The following NELL1 variants were observed in gnomAD, a reference collection of about 807,000 sequenced individuals.
NELL1 encodes the protein neural EGFL like 1.
NELL1 carries 76 observed loss-of-function variants against 107.4 expected under a neutral mutation model. The ratio of observed to expected loss-of-function variants is 0.71; its 90% confidence interval spans 0.59 to 0.86. The LOEUF is 0.86. Ranked by LOEUF, NELL1 falls within the 40% of genes least tolerant of loss-of-function variation. NELL1 has a pLI of 0.00. For synonymous variants in NELL1, 353 were observed against 341.2 expected (o/e 1.03, Z -0.38); for missense variants, 1,024 against 1,005.5 (o/e 1.02, Z -0.25).
chr11:21,472,149 TG>T, intron 15 of NELL1, among the ~76,000 whole-genome samples: 1 of 47,764 alleles, frequency 2.1e-5, no homozygotes, highest in South Asian at 1.3e-3. Context: ...CTTTCTGTTT[TG>T]TTTTGTTTGT....
At chr11:20,799,609 C>T (rs923252835) in intron 3 of NELL1, among the ~76,000 whole-genome samples, 1 of 152,098 alleles carries the variant, frequency 6.6e-6, no homozygotes, top group African/African-American at 2.4e-5. Flanking sequence ...TGGTAGTTCA[C>T]CATTTGAAGC....
chr11:21,090,691 T>C (rs1439508377), intron 12 of NELL1, among the ~76,000 whole-genome samples: 1 of 152,212 alleles, frequency 6.6e-6, no homozygotes, highest in African/African-American at 2.4e-5. Context: ...TATGTGGATC[T>C]TAACAAATAC....
chr11:21,241,077 C>T (rs1002675161), intron 14 of NELL1, among the ~76,000 whole-genome samples: 30 of 152,086 alleles, frequency 2.0e-4, no homozygotes, highest in Non-Finnish European at 2.9e-4. Context: ...ATATATCAGT[C>T]AGTTTTATTT....
intron 14 of NELL1, chr11:21,262,648 G>T (rs1332250219): frequency 5.3e-5 from 8 of 151,374 alleles, no homozygotes; most frequent in African/African-American, 1.9e-4. Context: ...GTTCCTGTAT[G>T]GAATTTGAGA....
chr11:21,239,384 A>T (rs1365464443), intron 14 of NELL1, among the ~76,000 whole-genome samples: 1 of 152,026 alleles, frequency 6.6e-6, no homozygotes, highest in African/African-American at 2.4e-5. Context: ...ATAAAAATCA[A>T]TAATTCAAAC....
In NELL1 at chr11:20,682,799, C is replaced by T. The variant is rs552234005; in HGVS notation, c.184+4739C>T. ...TTGATCTGCTTTCTGTGACTATACACTAATTTGCATTTTCTAGAATTTTAT... is the reference window on the plus strand; with the variant it reads ...TTGATCTGCTTTCTGTGACTATACATTAATTTGCATTTTCTAGAATTTTAT... On this transcript the variant is annotated intron_variant, in intron 2 of 19. Transcript: ENST00000357134. Among the ~76,000 whole-genome samples the T allele has an allele frequency of 2.1e-4, 32 of 152,122 alleles. No individual in the cohort carries two copies. In the East Asian group the frequency reaches 4.6e-3, roughly 22 times the overall value.
chr11:21,105,776 C>G (rs1459592399), intron 12 of NELL1, among the ~76,000 whole-genome samples: 1 of 116,754 alleles, frequency 8.6e-6, no homozygotes, highest in Non-Finnish European at 1.8e-5. Context: ...ATTACCTCTC[C>G]CCTCCCCTCC....
chr11:21,526,347 C>G (rs1855854972), intron 15 of NELL1, among the ~76,000 whole-genome samples: 1 of 152,214 alleles, frequency 6.6e-6, no homozygotes, highest in Non-Finnish European at 1.5e-5. Flanking sequence ...AGGGTACACC[C>G]CTCTCCACTA....
intron 15 of NELL1, among the ~76,000 whole-genome samples, chr11:21,406,367 C>T (rs1852236303): frequency 6.6e-6 from 1 of 151,694 alleles, no homozygotes; most frequent in Non-Finnish European, 1.5e-5. Context: ...CCAAATTATC[C>T]CCAATTGAGG....
intron 14 of NELL1, among the ~76,000 whole-genome samples, chr11:21,366,082 T>C (rs1202738651): frequency 6.6e-6 from 1 of 152,080 alleles, no homozygotes; most frequent in African/African-American, 2.4e-5. Flanking sequence ...GGGCGTTTGA[T>C]AAATATGCTC....
chr11:21,440,358 C>T (rs1162227840), intron 15 of NELL1, among the ~76,000 whole-genome samples: 1 of 151,740 alleles, frequency 6.6e-6, no homozygotes, highest in African/African-American at 2.4e-5. Context: ...GGTGGACTTA[C>T]ATCATAGCAA....
chr11:21,154,775 A>G (rs1354214201), intron 13 of NELL1, among the ~76,000 whole-genome samples: 1 of 152,130 alleles, frequency 6.6e-6, no homozygotes, highest in Non-Finnish European at 1.5e-5. Context: ...AGCAGTGAAA[A>G]TGGAATTTAT....
intron 3 of NELL1, among the ~76,000 whole-genome samples, chr11:20,795,812 A>T (rs567980666): frequency 4.6e-5 from 7 of 152,254 alleles, no homozygotes; most frequent in Middle Eastern, 3.4e-3. Flanking sequence ...TTTGTTTTTC[A>T]AAAGATACTC....
chr11:21,490,045 C>G (rs1023851330), intron 15 of NELL1, among the ~76,000 whole-genome samples: 2 of 151,876 alleles, frequency 1.3e-5, no homozygotes, highest in African/African-American at 4.8e-5. Context: ...CTAGAAAAAC[C>G]TAAAGACACC....
At chr11:21,553,342 C>T (rs1856635683) in intron 16 of NELL1, among the ~76,000 whole-genome samples, 2 of 151,822 alleles carry the variant, frequency 1.3e-5, no homozygotes, top group African/African-American at 4.8e-5. Context: ...CTCATTGGCA[C>T]TTGCTTGTAA....
intron 12 of NELL1, among the ~76,000 whole-genome samples, chr11:20,999,399 A>G (rs55688691): frequency 0.075 from 11,334 of 152,032 alleles, 1,278 homozygotes; most frequent in African/African-American, 0.25. Flanking sequence ...GCTGCACTCT[A>G]TGTGGTGTAT....
rs1036172829 is a variant in NELL1, at chr11:20,970,125, A to G, written c.1300+9565A>G. 6.0e-5 allele frequency among the ~76,000 whole-genome samples: 9 copies of G among 149,098 alleles called. No individual in the cohort carries two copies. The Middle Eastern group carries it at 0.01, about 169-fold the overall frequency. The stretch of plus-strand genomic sequence containing the variant: ...CTCTGAACATAGAGATATATCTACC[A>G]ACATGTATATTGAGCCATAGTTTGT... On this transcript the variant is annotated intron_variant, in intron 12 of 19. Transcript: ENST00000357134.
chr11:20,694,429 A>C (rs1034187498), intron 2 of NELL1, among the ~76,000 whole-genome samples: 1 of 151,904 alleles, frequency 6.6e-6, no homozygotes, highest in Non-Finnish European at 1.5e-5. Flanking sequence ...ATCCATCTTG[A>C]GTTAATTTTT....
At chr11:20,774,285 C>G (rs1415420270) in intron 2 of NELL1, among the ~76,000 whole-genome samples, 1 of 141,320 alleles carries the variant, frequency 7.1e-6, no homozygotes, top group Admixed American at 7.2e-5. Flanking sequence ...CTTTCTTTCC[C>G]TTCCTTCCTT....
Sources: gnomAD v4.1 joint callset for allele counts (sites outside exome capture counted in the v4.1 genomes callset) on GRCh38, gnomAD v4.1.1 for gene constraint, MANE v1.5 for transcripts, NCBI Gene and HGNC (gene_info 2026-07-23, HGNC 2026-07-21) for gene names.